ADAM12: variants seen among roughly 807,000 people sequenced by gnomAD.
The protein encoded by ADAM12 is ADAM metallopeptidase domain 12, also known as disintegrin and metalloproteinase domain-containing protein 12.
A neutral mutation model predicts 106.4 loss-of-function variants in ADAM12; 70 were observed. The observed-to-expected ratio is 0.66, with a 90% CI of 0.54 to 0.80. ADAM12 has a LOEUF of 0.80. Ranked by LOEUF, ADAM12 falls within the 30% of genes least tolerant of loss-of-function variation. The probability of loss-of-function intolerance (pLI) is 0.00; values close to 1 mark genes in which losing one functional copy is unlikely to be tolerated. For synonymous variants in ADAM12, 420 were observed against 433.5 expected, an observed-to-expected ratio of 0.97 and a Z score of 0.39; for missense variants, 1,010 against 1,171.9, an observed-to-expected ratio of 0.86 and a Z score of 2.02.
At chr10:126,287,340 A>T (rs961406710) in intron 2 of ADAM12, among the ~76,000 whole-genome samples, 3 of 152,172 alleles carry the variant, frequency 2.0e-5, no homozygotes, top group African/African-American at 7.2e-5. Flanking sequence ...AAATGAAAAC[A>T]TGACTTATCA....
At chr10:126,331,106 G>A (rs1854495797) in intron 1 of ADAM12, among the ~76,000 whole-genome samples, 1 of 152,060 alleles carries the variant, frequency 6.6e-6, no homozygotes, top group African/African-American at 2.4e-5. Flanking sequence ...GTTTCTTGGG[G>A]TCCTGTCTGT....
rs1954221612 is a variant in ADAM12 at position 126,043,135 on chromosome 10, CTGT to C, written c.2006_2008del (p.Asn669del). 1.9e-6 allele frequency: 3 copies of C among 1,614,042 alleles called. No individual in the cohort carries two copies. The highest frequency in any genetic ancestry group is 1.3e-5 in the African/African-American group (1 of 74,930). On this transcript the variant is annotated inframe_deletion, in exon 18 of 23. Transcript: ENST00000448723. This position sits in a 1 kb window ranked among gnomAD's most constrained non-coding sequence, Gnocchi z 4.1. ...GTGGGCCTCGCAGTGGCAGTTCTTC[CTGT>C]TGTTGCACACCTTTCAGGGCAGAGG...
chr10:126,281,428 T>C (rs1236804269), intron 2 of ADAM12, among the ~76,000 whole-genome samples: 5 of 152,200 alleles, frequency 3.3e-5, no homozygotes, highest in Non-Finnish European at 5.9e-5. Flanking sequence ...CCCCAAAGAA[T>C]TGAGGTAGTT....
intron 1 of ADAM12, among the ~76,000 whole-genome samples, chr10:126,332,181 G>C (rs1008964732): frequency 3.3e-5 from 5 of 152,150 alleles, no homozygotes; most frequent in African/African-American, 1.2e-4. Flanking sequence ...CTGGTGACAG[G>C]CACTCTTGTC....
chr10:126,377,464 A>AT (rs372792959), intron 1 of ADAM12, among the ~76,000 whole-genome samples: 2,726 of 149,060 alleles, frequency 0.018, 69 homozygotes, highest in African/African-American at 0.062. Flanking sequence ...GTCTTTTCAC[A>AT]TTTTTTTTTT....
chr10:126,058,935 G>A (rs1237458130), intron 14 of ADAM12, among the ~76,000 whole-genome samples: 1 of 152,134 alleles, frequency 6.6e-6, no homozygotes, highest in Non-Finnish European at 1.5e-5. Flanking sequence ...GAATGACAAT[G>A]GTTTTCTTAT....
At chr10:126,307,046 C>G (rs930972951) in intron 2 of ADAM12, among the ~76,000 whole-genome samples, 4 of 152,128 alleles carry the variant, frequency 2.6e-5, no homozygotes, top group Non-Finnish European at 5.9e-5. Context: ...CTGTTCTGTT[C>G]CTTCCATTCA....
intron 3 of ADAM12, among the ~76,000 whole-genome samples, chr10:126,179,868 G>A (rs560000804): frequency 4.5e-4 from 68 of 152,276 alleles, no homozygotes; most frequent in African/African-American, 1.5e-3. Flanking sequence ...GAATAGAGAC[G>A]GGAGTGAGAG....
At chr10:126,336,184 T>C (rs1030020106) in intron 1 of ADAM12, among the ~76,000 whole-genome samples, 8 of 152,200 alleles carry the variant, frequency 5.3e-5, no homozygotes, top group African/African-American at 1.9e-4. Context: ...ATGTTAAGAA[T>C]AGGGGAAATG....
intron 2 of ADAM12, among the ~76,000 whole-genome samples, chr10:126,283,205 G>C (rs1408602564): frequency 6.6e-6 from 1 of 152,084 alleles, no homozygotes; most frequent in Non-Finnish European, 1.5e-5. Context: ...GTGAGTGGTG[G>C]GGAGCTGCTC....
intron 2 of ADAM12, among the ~76,000 whole-genome samples, chr10:126,297,102 A>C (rs907919853): frequency 2.0e-5 from 3 of 152,198 alleles, no homozygotes; most frequent in African/African-American, 7.2e-5. Flanking sequence ...CCTACTCCTT[A>C]AAAATGTGCA....
chr10:126,125,539 A>G (rs1278311), intron 5 of ADAM12, among the ~76,000 whole-genome samples: 94,548 of 151,750 alleles, frequency 0.62, 29,611 homozygotes, highest in East Asian at 0.72. Flanking sequence ...CACTGTGCTC[A>G]GCCAGGAATA....
chr10:126,186,913 C>A (rs1309030275), intron 3 of ADAM12, among the ~76,000 whole-genome samples: 1 of 152,182 alleles, frequency 6.6e-6, no homozygotes, highest in Non-Finnish European at 1.5e-5. Flanking sequence ...GCACTACCAT[C>A]TTTGTTTTAT....
intron 3 of ADAM12, among the ~76,000 whole-genome samples, chr10:126,272,325 G>C (rs1035327232): frequency 1.3e-5 from 2 of 152,172 alleles, no homozygotes; most frequent in African/African-American, 2.4e-5. Flanking sequence ...AATTAATAAA[G>C]ATAATTAATA....
At chr10:126,340,707 T>C (rs1854892975) in intron 1 of ADAM12, among the ~76,000 whole-genome samples, 2 of 149,108 alleles carry the variant, frequency 1.3e-5, no homozygotes, top group Non-Finnish European at 3.0e-5. Flanking sequence ...AGCTATGTCC[T>C]ACCTCGTGGC....
chr10:126,293,353 C>G (rs1173719805), intron 2 of ADAM12, among the ~76,000 whole-genome samples: 3 of 151,942 alleles, frequency 2.0e-5, no homozygotes, highest in African/African-American at 7.3e-5. Flanking sequence ...CACATGGAGC[C>G]CAAGGGGCAA....
At chr10:126,115,597 G>C (rs185705621) in intron 6 of ADAM12, among the ~76,000 whole-genome samples, 10 of 152,302 alleles carry the variant, frequency 6.6e-5, no homozygotes, top group Non-Finnish European at 1.3e-4. Flanking sequence ...ATTTATTCCT[G>C]ATGCTCTGTG....
intron 3 of ADAM12, among the ~76,000 whole-genome samples, chr10:126,190,989 CCTTTTTTTTTT>C (rs1438396809): frequency 0.12 from 7,973 of 68,618 alleles, 1,068 homozygotes; most frequent in African/African-American, 0.19. Flanking sequence ...GGAGTTTTGT[CCTTTTTTTTTT>C]TTTTTTTTTT....
intron 3 of ADAM12, among the ~76,000 whole-genome samples, chr10:126,177,276 T>C (rs548115167): frequency 1.3e-5 from 2 of 148,304 alleles, no homozygotes; most frequent in South Asian, 4.2e-4. Context: ...AGCAATGAGA[T>C]GAGAAACAGG....
Sources: gnomAD v4.1 joint callset for allele counts (sites outside exome capture counted in the v4.1 genomes callset) on GRCh38, gnomAD v4.1.1 for gene constraint, Gnocchi (gnomAD v3.1) non-coding constraint, MANE v1.5 for transcripts, NCBI Gene and HGNC (gene_info 2026-07-23, HGNC 2026-07-21) for gene names.